The following LYST variants were observed in gnomAD, a reference collection of about 807,000 sequenced individuals.
LYST encodes lysosomal-trafficking regulator.
In LYST, 192 loss-of-function variants were observed where a neutral mutation model predicts 413.6. That is an observed-to-expected ratio of 0.46 (90% CI 0.41 to 0.52). LYST has a LOEUF of 0.52. LYST is among the 20% of genes least tolerant of loss of function. The pLI is 0.00. For synonymous variants in LYST, 1,525 were observed against 1,567.3 expected (o/e 0.97, Z 0.64); for missense variants, 3,815 against 4,499.9 (o/e 0.85, Z 4.35).
chr1:235,726,968 T>C (rs1310619842), intron 38 of LYST, among the ~76,000 whole-genome samples: 1 of 152,196 alleles, frequency 6.6e-6, no homozygotes, highest in Non-Finnish European at 1.5e-5. Flanking sequence ...AACATAACTA[T>C]ATTTTACTAT....
rs1054498564 is a variant in LYST, at chr1:235,777,171, T to A, written c.5352A>T (p.Leu1784Phe). The change falls in exon 17 of 53, where the codon TTA becomes TTT. Residue 1784 changes from leucine to phenylalanine, a missense_variant. Around this residue, in one of 4 missense-constraint regions of LYST, gnomAD observed 530 missense variants for 696.5 expected, o/e 0.76. Transcript: ENST00000389793. ...PFSSKEVQSI[L>F]LEPHHLKNLQ... ...GATTCTTTAGATGATGAGGTTCTAA[T>A]AAGATGCTCTGAACTTCTTTTGAGC... 1 of 1,613,640 alleles carries A rather than the reference T, an allele frequency of 6.2e-7. No individual in the cohort carries two copies. Among genetic ancestry groups the A allele is most frequent in the African/African-American group, 1.3e-5 (1 of 74,910 alleles).
intron 11 of LYST, 114 bp from the exon 12 acceptor site, chr1:235,792,239 C>T (rs1222963225): frequency 5.8e-6 from 4 of 686,056 alleles, no homozygotes; most frequent in African/African-American, 5.4e-5. Context: ...ATCAGCATTC[C>T]TATTTAAATA....
At chr1:235,719,210 G>A (rs1663116522) in intron 40 of LYST, among the ~76,000 whole-genome samples, 1 of 152,018 alleles carries the variant, frequency 6.6e-6, no homozygotes, top group Admixed American at 6.6e-5. Flanking sequence ...TAGAGTTAGG[G>A]TTTCACCATG....
intron 1 of LYST, among the ~76,000 whole-genome samples, chr1:235,876,723 A>G (rs540126494): frequency 2.3e-4 from 35 of 152,240 alleles, no homozygotes; most frequent in Non-Finnish European, 4.4e-4. Flanking sequence ...TAAAAATGAC[A>G]TAATCATTTG....
intron 31 of LYST, 139 bp downstream of exon 31, chr1:235,741,283 C>T (rs1470715545): frequency 2.6e-6 from 2 of 775,650 alleles, no homozygotes; most frequent in Non-Finnish European, 2.2e-6. Flanking sequence ...TGAGAAAGAC[C>T]TTAGGTTAAA....
chr1:235,881,412 T>G (rs1161538115), intron 1 of LYST, among the ~76,000 whole-genome samples: 1 of 152,144 alleles, frequency 6.6e-6, no homozygotes, highest in Admixed American at 6.6e-5. Flanking sequence ...ACATGCACAA[T>G]CGGCTTTGAG....
intron 1 of LYST, among the ~76,000 whole-genome samples, chr1:235,876,492 G>T (rs1358196870): frequency 6.6e-6 from 1 of 152,212 alleles, no homozygotes; most frequent in Non-Finnish European, 1.5e-5. Context: ...AAACGAGGAA[G>T]CTGATGACAC....
In LYST at chr1:235,844,259, TTTA is replaced by T. The variant is rs542489303; in HGVS notation, c.-97-10595_-97-10593del. ...AACACATCAGTAAAAATAAAAAATCTTTATGAGAAAAAAAGATAACACCATTTA... is the reference window on the plus strand; with the variant it reads ...AACACATCAGTAAAAATAAAAAATCTTGAGAAAAAAAGATAACACCATTTA... On this transcript the variant is annotated intron_variant, in intron 1 of 52. Coordinates refer to ENST00000389793, the MANE Select transcript of LYST (RefSeq NM_000081.4). Among the ~76,000 whole-genome samples, 374 of 120,208 alleles carry T rather than the reference TTTA, an allele frequency of 3.1e-3. 1 individual carries two copies. Among genetic ancestry groups the T allele is most frequent in the Non-Finnish European group, 4.7e-3 (268 of 56,700 alleles). The allele number at this position is 120,208 out of a possible 152,430, so 78.9% of individuals were successfully genotyped here. A position where few individuals can be genotyped will look rare whatever the true frequency, so the allele number is the denominator to read the frequency against.
chr1:235,827,277 G>A (rs1408052662), intron 3 of LYST: 2 of 220,852 alleles, frequency 9.1e-6, no homozygotes, highest in South Asian at 3.3e-4. Context: ...GCTGAGACAT[G>A]ACAACCTCTA....
intron 1 of LYST, among the ~76,000 whole-genome samples, chr1:235,843,131 A>G (rs1458926559): frequency 6.6e-6 from 1 of 152,238 alleles, no homozygotes; most frequent in Non-Finnish European, 1.5e-5. Flanking sequence ...AATGGTCCCT[A>G]GGTGGCTGAG....
At chr1:235,853,988 AG>A (rs1678868263) in intron 1 of LYST, among the ~76,000 whole-genome samples, 1 of 152,184 alleles carries the variant, frequency 6.6e-6, no homozygotes, top group African/African-American at 2.4e-5. Context: ...CGGCATTTAA[AG>A]GAACTATGAA....
chr1:235,718,194 G>GTTT (rs34692090), intron 40 of LYST, among the ~76,000 whole-genome samples: 6 of 146,536 alleles, frequency 4.1e-5, no homozygotes, highest in African/African-American at 1.5e-4. Context: ...ATAAATAGGG[G>GTTT]TTTTTTTTTT....
At chr1:235,677,766 A>G (rs1659497986) in intron 48 of LYST, 147 bp from the exon 49 acceptor site, 5 of 552,334 alleles carry the variant, frequency 9.1e-6, no homozygotes, top group Non-Finnish European at 1.5e-5. Flanking sequence ...ACAAAGAAAG[A>G]AATTAAAAAA....
At chr1:235,746,189 T>C in intron 29 of LYST, 147 bp downstream of exon 29, 1 of 698,896 alleles carries the variant, frequency 1.4e-6, no homozygotes, top group Non-Finnish European at 2.4e-6. Context: ...GACTTATCAG[T>C]TCCAAATAAG....
intron 48 of LYST, among the ~76,000 whole-genome samples, chr1:235,684,095 A>G (rs1442779621): frequency 6.6e-6 from 1 of 152,238 alleles, no homozygotes; most frequent in Non-Finnish European, 1.5e-5. Flanking sequence ...AAGCAACATA[A>G]GCCTTCACAA....
intron 1 of LYST, among the ~76,000 whole-genome samples, 166 bp downstream of exon 1, chr1:235,866,677 G>T (rs1421066481): frequency 6.7e-6 from 1 of 150,286 alleles, no homozygotes; most frequent in African/African-American, 2.5e-5. Context: ...GAGCTGGCGC[G>T]TCAGGCCGAG....
chr1:235,775,996 A>G (rs1246075890), intron 17 of LYST, among the ~76,000 whole-genome samples: 1 of 152,236 alleles, frequency 6.6e-6, no homozygotes, highest in Non-Finnish European at 1.5e-5. Flanking sequence ...AAAGATAAAA[A>G]TGTAAACATT....
rs749732470 is a variant in LYST, at chr1:235,753,216, T to G, written c.7288A>C (p.Ile2430Leu). 1 of 1,611,078 alleles carries G rather than the reference T, an allele frequency of 6.2e-7. No individual in the cohort carries two copies. The highest frequency in any genetic ancestry group is 8.5e-7 in the Non-Finnish European group (1 of 1,177,644). Residue 2430 changes from isoleucine (I) to leucine (L), a missense_variant, in exon 26 of 53, where the codon ATT becomes CTT. Around this residue, in one of 4 missense-constraint regions of LYST, gnomAD observed 771 missense variants for 837.1 expected, o/e 0.92. Coordinates refer to ENST00000389793, the MANE Select transcript of LYST (RefSeq NM_000081.4). Reference protein sequence around the residue: ...GLFQKWSVIPILGLIETSLYD... With the variant: ...GLFQKWSVIPLLGLIETSLYD... ...AGAGAGGTCTCTATTAGTCCCAGAA[T>G]AGGAATGACAGACCACTTCTGAAAC...
At chr1:235,861,455 C>A (rs1679860851) in intron 1 of LYST, among the ~76,000 whole-genome samples, 1 of 152,096 alleles carries the variant, frequency 6.6e-6, no homozygotes, top group South Asian at 2.1e-4. Context: ...TGACACACAG[C>A]AGCAAAATAA....
Sources: gnomAD v4.1 joint callset for allele counts (sites outside exome capture counted in the v4.1 genomes callset) on GRCh38, gnomAD v4.1.1 for gene constraint, gnomAD v4.1.1 regional missense constraint, MANE v1.5 for transcripts, NCBI Gene and HGNC (gene_info 2026-07-23, HGNC 2026-07-21) for gene names.